Variants in COL22A1 observed in about 807,000 individuals in gnomAD.
COL22A1 encodes the protein collagen alpha-1(XXII) chain.
In COL22A1, 221 loss-of-function variants were observed where a neutral mutation model predicts 248.9. The ratio of observed to expected loss-of-function variants is 0.89; its 90% CI spans 0.80 to 0.99. The LOEUF (loss-of-function observed/expected upper bound fraction) is 0.99. Among genes scored for constraint, COL22A1 ranks in the 50% least tolerant of loss-of-function variants. The probability of loss-of-function intolerance (pLI) is 0.00; values close to 1 mark genes in which losing one functional copy is unlikely to be tolerated. For synonymous variants in COL22A1, 891 were observed against 793.4 expected (o/e 1.12, Z -2.07); for missense variants, 2,240 against 2,179.0 (o/e 1.03, Z -0.56).
chr8:138,767,930 T>C lies in COL22A1; in HGVS notation c.1804-5464A>G, dbSNP rs959302498. Among the ~76,000 whole-genome samples the C allele has an allele frequency of 2.0e-5, 3 of 152,206 alleles. No individual in the cohort carries two copies. The East Asian group carries it at 5.8e-4, about 29-fold the overall frequency. On this transcript the variant is annotated intron_variant, in intron 16 of 64. Transcript: ENST00000303045. ...TCTTCTCCTTCTCCCTCACATACAG[T>C]AAACCATTCATATAACATGGGTGCT...
At chr8:138,625,569 T>G (rs1820170410) in intron 51 of COL22A1, among the ~76,000 whole-genome samples, 1 of 152,176 alleles carries the variant, frequency 6.6e-6, no homozygotes, top group Admixed American at 6.5e-5. Flanking sequence ...TGGAAAGCAA[T>G]TTTGCAGTAT....
intron 1 of COL22A1, among the ~76,000 whole-genome samples, chr8:138,902,179 A>G (rs991568692): frequency 6.6e-6 from 1 of 152,198 alleles, no homozygotes; most frequent in Non-Finnish European, 1.5e-5. Context: ...TGCCCGAAAC[A>G]CAATGAAGCT....
intron 43 of COL22A1, 131 bp from the exon 44 acceptor site, chr8:138,660,611 A>C: frequency 6.6e-6 from 5 of 756,834 alleles, no homozygotes; most frequent in Non-Finnish European, 1.1e-5. Context: ...TCAGACCATG[A>C]GGATTGGCAC....
At chr8:138,696,358 G>A (rs1032472771) in intron 32 of COL22A1, among the ~76,000 whole-genome samples, 1 of 152,172 alleles carries the variant, frequency 6.6e-6, no homozygotes, top group Non-Finnish European at 1.5e-5. Context: ...CATGGATGGG[G>A]TGTTTGCAAG....
At chr8:138,602,568 C>A (rs1818111693) in intron 59 of COL22A1, among the ~76,000 whole-genome samples, 1 of 152,206 alleles carries the variant, frequency 6.6e-6, no homozygotes, top group Non-Finnish European at 1.5e-5. Flanking sequence ...CCTTGTCTTG[C>A]CCTGTGCCTG....
At position 138,910,882 on chromosome 8, in the gene COL22A1, C is replaced by T. The variant is rs539465458; in HGVS notation, c.-73+2737G>A. 1.4e-3 allele frequency among the ~76,000 whole-genome samples: 220 copies of T among 152,314 alleles called. 1 individual carries two copies. Among genetic ancestry groups the T allele is most frequent in the African/African-American group, 4.7e-3 (194 of 41,556 alleles). On this transcript the variant is annotated intron_variant, in intron 1 of 64. Transcript: ENST00000303045. ...AAAACTGAGATATGAATGACACACA[C>T]GTAGTCCATGGTCCTGGCCCATAGT...
chr8:138,819,552 A>G (rs559833101), intron 7 of COL22A1, among the ~76,000 whole-genome samples: 2 of 149,084 alleles, frequency 1.3e-5, no homozygotes. Context: ...ATAATGTACC[A>G]TTATATAGAT....
chr8:138,678,432 C>T (rs564728672), intron 40 of COL22A1, among the ~76,000 whole-genome samples: 26 of 152,136 alleles, frequency 1.7e-4, no homozygotes, highest in Non-Finnish European at 3.1e-4. Flanking sequence ...CAGCAGTTCC[C>T]TCCTCAAATT....
intron 49 of COL22A1, among the ~76,000 whole-genome samples, chr8:138,633,608 G>T (rs545700413): frequency 2.0e-5 from 3 of 152,142 alleles, no homozygotes; most frequent in African/African-American, 4.8e-5. Context: ...ACAATTATTC[G>T]TGAATAAACT....
intron 1 of COL22A1, among the ~76,000 whole-genome samples, chr8:138,905,347 C>T (rs1180001239): frequency 6.6e-6 from 1 of 152,190 alleles, no homozygotes; most frequent in East Asian, 1.9e-4. Flanking sequence ...CACTACTTTG[C>T]AAGACGGTAA....
At chr8:138,781,001 T>C (rs1375527398) in intron 12 of COL22A1, 21 bp from the exon 13 acceptor site, 9 of 1,557,404 alleles carry the variant, frequency 5.8e-6, no homozygotes, top group Non-Finnish European at 7.9e-6. Context: ...AAAAAGAGAA[T>C]AGCAATTAGT....
Position 138,821,120 on chromosome 8 carries a change from G to GC in COL22A1, c.1245+15dup, listed in dbSNP as rs754103888. On this transcript the variant is annotated intron_variant, in intron 7 of 64. Coordinates refer to ENST00000303045, the MANE Select transcript of COL22A1 (RefSeq NM_152888.3). ...TGGCCTGGAACCTGGGCTGCAGAAG[G>GC]CCCCCTGGTACTCACGTCAATGGGC... The GC allele has an allele frequency of 5.1e-5, 82 of 1,606,276 alleles. No individual in the cohort carries two copies. The East Asian group carries it at 5.2e-4, about 10-fold the overall frequency.
chr8:138,673,210 T>C (rs528323717), intron 41 of COL22A1, among the ~76,000 whole-genome samples: 1,546 of 89,754 alleles, frequency 0.017, 22 homozygotes, highest in African/African-American at 0.052. Context: ...ACAGCCGATC[T>C]ATTTTTTTTT....
chr8:138,756,372 T>C lies in COL22A1; in HGVS notation c.1903-543A>G, dbSNP rs549552832. On this transcript the variant is annotated intron_variant, in intron 18 of 64. Transcript: ENST00000303045. ...GGTTTGTCTCCTGCCTCCTCCTCCTTGGCCTCCAGGTCCCCTGGGCTATGA... is the reference window on the plus strand; with the variant it reads ...GGTTTGTCTCCTGCCTCCTCCTCCTCGGCCTCCAGGTCCCCTGGGCTATGA... 7.4e-4 allele frequency among the ~76,000 whole-genome samples: 113 copies of C among 152,294 alleles called. 1 individual carries two copies. Among genetic ancestry groups the C allele is most frequent in the Admixed American group, 7.3e-3 (112 of 15,310 alleles).
intron 3 of COL22A1, among the ~76,000 whole-genome samples, chr8:138,844,666 C>T (rs1331981278): frequency 6.6e-6 from 1 of 152,176 alleles, no homozygotes; most frequent in Non-Finnish European, 1.5e-5. Flanking sequence ...AAAGCATGCA[C>T]ATGTCCGGGC....
At chr8:138,634,375 G>T (rs556705626) in intron 49 of COL22A1, among the ~76,000 whole-genome samples, 12 of 152,226 alleles carry the variant, frequency 7.9e-5, no homozygotes, top group African/African-American at 2.9e-4. Context: ...AATCCCAGGG[G>T]ACTGGTCCTG....
intron 1 of COL22A1, among the ~76,000 whole-genome samples, chr8:138,895,999 C>T (rs1825386873): frequency 6.6e-6 from 1 of 152,192 alleles, no homozygotes; most frequent in Non-Finnish European, 1.5e-5. Context: ...AATGGCACAA[C>T]ATTCTTCAAG....
Position 138,636,814 on chromosome 8 carries a change from A to G in COL22A1, c.3502-19T>C, listed in dbSNP as rs1821222086. On this transcript the variant is annotated intron_variant, in intron 47 of 64. Transcript: ENST00000303045. Reference sequence around the variant, plus strand: ...GACTTCCCTTGAAAGGAAAAAAAAGAAAAGAAAGATGTCACTGGAAATTTT... The same window carrying G: ...GACTTCCCTTGAAAGGAAAAAAAAGGAAAGAAAGATGTCACTGGAAATTTT... 2 of 1,604,906 alleles carry G rather than the reference A, an allele frequency of 1.2e-6. No individual in the cohort carries two copies. The highest frequency in any genetic ancestry group is 1.6e-4 in the Middle Eastern group (1 of 6,066).
chr8:138,718,814 G>A (rs911590265), intron 27 of COL22A1, among the ~76,000 whole-genome samples: 1 of 152,190 alleles, frequency 6.6e-6, no homozygotes, highest in Admixed American at 6.5e-5. Flanking sequence ...AAAGCAGTAG[G>A]CTTCTCTGAA....
Sources: gnomAD v4.1 joint callset for allele counts (sites outside exome capture counted in the v4.1 genomes callset) on GRCh38, gnomAD v4.1.1 for gene constraint, MANE v1.5 for transcripts, NCBI Gene and HGNC (gene_info 2026-07-23, HGNC 2026-07-21) for gene names.